Variants in HPSE2 observed in about 807,000 individuals in gnomAD.
HPSE2 encodes the protein heparanase 2 (inactive).
A neutral mutation model predicts 60.5 loss-of-function variants in HPSE2; 38 were observed. That is an observed-to-expected ratio of 0.63 (90% confidence interval 0.48 to 0.82). HPSE2 has a LOEUF of 0.82. Ranked by LOEUF, HPSE2 falls within the 40% of genes least tolerant of loss-of-function variation. The pLI, the probability that HPSE2 is intolerant of heterozygous loss-of-function variation, is 0.00. For synonymous variants in HPSE2, 295 were observed against 293.2 expected (o/e 1.01, Z -0.06); for missense variants, 713 against 740.4 (o/e 0.96, Z 0.43).
intron 3 of HPSE2, among the ~76,000 whole-genome samples, chr10:98,999,390 T>C (rs1165789445): frequency 1.3e-5 from 2 of 152,158 alleles, no homozygotes; most frequent in East Asian, 1.9e-4. Flanking sequence ...TATTTAATCT[T>C]CCCAACATCC....
chr10:98,872,211 G>T (rs1287709214), intron 3 of HPSE2, among the ~76,000 whole-genome samples: 1 of 151,954 alleles, frequency 6.6e-6, no homozygotes, highest in Non-Finnish European at 1.5e-5. Context: ...CTAAGAAATG[G>T]AATATAATCA....
At chr10:98,716,439 TAAAA>T (rs1052775399) in intron 5 of HPSE2, among the ~76,000 whole-genome samples, 1 of 78,168 alleles carries the variant, frequency 1.3e-5, no homozygotes, top group African/African-American at 3.4e-5. Context: ...AGTATAATAA[TAAAA>T]AATAAATAAA....
rs73341476 is a variant in HPSE2 at position 99,058,358 on chromosome 10, C to T, written c.610+85880G>A. On this transcript the variant is annotated intron_variant, in intron 3 of 11. Transcript: ENST00000370552. ...AATCAGTTTCAGCTTCTCCTCCAAA[C>T]TGAGCCTCTAGTTTTGTGTTGTCAC... Among the ~76,000 whole-genome samples the T allele has an allele frequency of 1.0e-3, 152 of 152,334 alleles. 1 individual carries two copies. The highest frequency in any genetic ancestry group is 3.7e-3 in the African/African-American group (152 of 41,580).
At chr10:98,993,086 T>G (rs967592744) in intron 3 of HPSE2, among the ~76,000 whole-genome samples, 72 of 152,338 alleles carry the variant, frequency 4.7e-4, no homozygotes, top group Admixed American at 4.6e-3. Flanking sequence ...CATCCAGTCA[T>G]TCATCAGTAA....
chr10:99,315,611 G>A, the HPSE2 span, among the ~76,000 whole-genome samples: 1 of 152,120 alleles, frequency 6.6e-6, no homozygotes, highest in South Asian at 2.1e-4. Context: ...TCTGGGCTCG[G>A]GCTACACAAA....
At chr10:98,942,946 T>C (rs866862885) in intron 3 of HPSE2, among the ~76,000 whole-genome samples, 115 of 151,420 alleles carry the variant, frequency 7.6e-4, no homozygotes, top group African/African-American at 2.8e-3. Flanking sequence ...ATGGATGAAA[T>C]TGGAAATCAT....
In HPSE2 at chr10:98,721,794, T is replaced by C. The variant is rs1268361514; in HGVS notation, c.819A>G (p.Ala273=). The change falls in exon 5 of 12, where the codon GCA becomes GCG. Residue 273 remains alanine (A), a synonymous_variant. Coordinates refer to ENST00000370552, the MANE Select transcript of HPSE2 (RefSeq NM_021828.5). ...CCTTTCCCAACTGGCTGCCATTTAC[T>C]GCCCGGCCATGCATGGTCCGATAGT... The part of the protein sequence containing the change: ...PNNYRTMHGR[A]VNGSQLGKDY... 9.3e-6 allele frequency: 15 copies of C among 1,613,548 alleles called. No individual in the cohort carries two copies. The highest frequency in any genetic ancestry group is 1.2e-5 in the Non-Finnish European group (14 of 1,179,824).
At chr10:99,236,360 A>G (rs762690349), upstream of HPSE2, among the ~76,000 whole-genome samples, 4 of 151,720 alleles carry the variant, frequency 2.6e-5, no homozygotes, top group Non-Finnish European at 2.9e-5. Flanking sequence ...TCCGACTCCG[A>G]CCCGAAAGCC....
intron 3 of HPSE2, among the ~76,000 whole-genome samples, chr10:98,855,899 AG>A (rs1313150551): frequency 1.3e-5 from 2 of 152,222 alleles, no homozygotes; most frequent in African/African-American, 4.8e-5. Context: ...AGGATGTTAC[AG>A]GAACATTGAG....
intron 3 of HPSE2, among the ~76,000 whole-genome samples, chr10:98,997,175 C>A (rs1035526430): frequency 2.9e-5 from 4 of 137,168 alleles, no homozygotes; most frequent in Non-Finnish European, 4.6e-5. Flanking sequence ...TGCAGTGGAG[C>A]GATCTCAGCT....
chr10:98,818,441 CT>C (rs2134600673), intron 3 of HPSE2, among the ~76,000 whole-genome samples: 1 of 152,270 alleles, frequency 6.6e-6, no homozygotes, highest in Admixed American at 6.5e-5. Context: ...CACTGCTGAT[CT>C]GATAGAAGGC....
intron 9 of HPSE2, among the ~76,000 whole-genome samples, chr10:98,525,296 C>G (rs1942929552): frequency 6.6e-6 from 1 of 152,236 alleles, no homozygotes; most frequent in Non-Finnish European, 1.5e-5. Context: ...CAGGCATGAG[C>G]CACTGCGCTG....
intron 3 of HPSE2, among the ~76,000 whole-genome samples, chr10:98,966,990 G>A (rs1310176166): frequency 6.6e-6 from 1 of 152,092 alleles, no homozygotes; most frequent in Non-Finnish European, 1.5e-5. Flanking sequence ...AAAAGTTAGG[G>A]CTTTATGTTA....
chr10:98,544,004 C>T (rs1943565915), intron 9 of HPSE2, among the ~76,000 whole-genome samples: 1 of 149,738 alleles, frequency 6.7e-6, no homozygotes, highest in East Asian at 2.0e-4. Flanking sequence ...CAGAACTCTC[C>T]ACCCCAAATC....
chr10:99,221,981 C>T (rs1849328780), intron 2 of HPSE2, among the ~76,000 whole-genome samples: 2 of 152,042 alleles, frequency 1.3e-5, no homozygotes, highest in Admixed American at 1.3e-4. Flanking sequence ...AACAGGAAAC[C>T]CAGCTGAGAC....
intron 9 of HPSE2, among the ~76,000 whole-genome samples, chr10:98,573,610 G>C (rs1181469076): frequency 1.3e-5 from 2 of 152,210 alleles, no homozygotes; most frequent in Non-Finnish European, 2.9e-5. Context: ...ATGGAAACCA[G>C]CAGGAACTCA....
rs865970878 is a variant in HPSE2, at chr10:98,943,206, A to G, written c.611-199150T>C. ...TGTAACTAACGTGCACATTGTGCAC[A>G]TATACCCTAAAACTTAAAGTATAAT... On this transcript the variant is annotated intron_variant, in intron 3 of 11. Coordinates refer to ENST00000370552, the MANE Select transcript of HPSE2 (RefSeq NM_021828.5). Among the ~76,000 whole-genome samples, 82 of 152,026 alleles carry G rather than the reference A, an allele frequency of 5.4e-4. 1 individual carries two copies. Among genetic ancestry groups the G allele is most frequent in the African/African-American group, 1.7e-3 (72 of 41,480 alleles).
intron 3 of HPSE2, among the ~76,000 whole-genome samples, chr10:99,056,463 C>G (rs1047484812): frequency 1.3e-5 from 2 of 152,058 alleles, no homozygotes; most frequent in African/African-American, 4.8e-5. Context: ...CTGCTTAAGC[C>G]TGATGCAAAA....
intron 5 of HPSE2, among the ~76,000 whole-genome samples, chr10:98,712,588 G>A (rs1339655700): frequency 6.6e-6 from 1 of 152,054 alleles, no homozygotes; most frequent in Non-Finnish European, 1.5e-5. Flanking sequence ...ATATAAAATG[G>A]CAATTTTTCT....
Sources: gnomAD v4.1 joint callset for allele counts (sites outside exome capture counted in the v4.1 genomes callset) on GRCh38, gnomAD v4.1.1 for gene constraint, MANE v1.5 for transcripts, NCBI Gene and HGNC (gene_info 2026-07-23, HGNC 2026-07-21) for gene names.